The following PRKG1 variants were observed in gnomAD, a reference collection of about 807,000 sequenced individuals.
PRKG1 encodes the protein cGMP-dependent protein kinase 1.
PRKG1 carries 35 observed loss-of-function variants against 88.1 expected under a neutral mutation model. The observed-to-expected ratio is 0.40, with a 90% CI of 0.30 to 0.53. The LOEUF is 0.53. PRKG1 is among the 20% of genes least tolerant of loss of function. PRKG1 has a pLI of 0.59. For synonymous variants in PRKG1, 303 were observed against 292.5 expected (o/e 1.04, Z -0.37); for missense variants, 540 against 839.8 (o/e 0.64, Z 4.41).
At chr10:52,258,215 T>C (rs568301537) in intron 10 of PRKG1, among the ~76,000 whole-genome samples, 1 of 139,054 alleles carries the variant, frequency 7.2e-6, no homozygotes, top group African/African-American at 2.5e-5. Context: ...CTGCATATGA[T>C]TTTAGAATAA....
intron 3 of PRKG1, among the ~76,000 whole-genome samples, chr10:51,741,499 G>T (rs1168418135): frequency 6.6e-6 from 1 of 151,990 alleles, no homozygotes; most frequent in Non-Finnish European, 1.5e-5. Context: ...TTTTCTGGGA[G>T]GCTGTTAGGA....
chr10:51,524,207 T>C (rs1264628296), intron 3 of PRKG1, among the ~76,000 whole-genome samples: 1 of 152,170 alleles, frequency 6.6e-6, no homozygotes, highest in Non-Finnish European at 1.5e-5. Flanking sequence ...TGTGGAACCA[T>C]GAGTCAATTA....
chr10:52,204,096 TATTATTATTA>T (rs1233551034), intron 9 of PRKG1, among the ~76,000 whole-genome samples: 15 of 109,464 alleles, frequency 1.4e-4, no homozygotes, highest in South Asian at 2.7e-4. Flanking sequence ...TTATTATTAT[TATTATTATTA>T]TTTTTTGTTT....
chr10:51,399,948 T>G (rs543250834), intron 2 of PRKG1, among the ~76,000 whole-genome samples: 1 of 152,140 alleles, frequency 6.6e-6, no homozygotes, highest in Non-Finnish European at 1.5e-5. Flanking sequence ...GCTGTAGGAG[T>G]TCTGGCTGCA....
At chr10:51,806,180 G>A (rs1839302440) in intron 4 of PRKG1, among the ~76,000 whole-genome samples, 1 of 152,126 alleles carries the variant, frequency 6.6e-6, no homozygotes, top group Non-Finnish European at 1.5e-5. Context: ...ATTACAACTG[G>A]TAATCAATGA....
chr10:52,215,857 T>C (rs1226237750), intron 9 of PRKG1, among the ~76,000 whole-genome samples: 1 of 152,230 alleles, frequency 6.6e-6, no homozygotes, highest in East Asian at 1.9e-4. Flanking sequence ...TCTAATTGAA[T>C]ATCTTAAGCA....
intron 3 of PRKG1, among the ~76,000 whole-genome samples, chr10:51,660,238 T>C (rs1206675047): frequency 1.3e-5 from 2 of 151,760 alleles, no homozygotes; most frequent in African/African-American, 4.8e-5. Context: ...ATAATCATTA[T>C]CAGAATCATG....
chr10:51,650,064 C>G (rs537010303), intron 3 of PRKG1, among the ~76,000 whole-genome samples: 2 of 152,258 alleles, frequency 1.3e-5, no homozygotes, highest in African/African-American at 4.8e-5. Flanking sequence ...CTCTCAGCCT[C>G]TGGGTTAAGG....
At chr10:51,631,321 A>G (rs532378905) in intron 3 of PRKG1, among the ~76,000 whole-genome samples, 6 of 152,232 alleles carry the variant, frequency 3.9e-5, no homozygotes, top group African/African-American at 1.4e-4. Context: ...CAGTGCAGGG[A>G]AAGAGGCATG....
intron 3 of PRKG1, among the ~76,000 whole-genome samples, chr10:51,773,278 C>T (rs867580254): frequency 3.9e-5 from 6 of 151,952 alleles, no homozygotes; most frequent in East Asian, 1.9e-4. Context: ...ACTGTTTCTT[C>T]GATTTAATAT....
intron 6 of PRKG1, among the ~76,000 whole-genome samples, chr10:52,057,863 T>C (rs1267151900): frequency 1.3e-5 from 2 of 152,108 alleles, no homozygotes; most frequent in Non-Finnish European, 2.9e-5. Context: ...GTATACATTA[T>C]GGTGAAACCT....
chr10:51,774,154 C>T (rs1838376498), intron 3 of PRKG1, among the ~76,000 whole-genome samples: 1 of 151,962 alleles, frequency 6.6e-6, no homozygotes, highest in Non-Finnish European at 1.5e-5. Flanking sequence ...CCATTTACTA[C>T]CTAGAGAGCT....
chr10:52,275,605 CAGTT>C (rs1299205235), intron 12 of PRKG1, among the ~76,000 whole-genome samples: 1 of 152,078 alleles, frequency 6.6e-6, no homozygotes, highest in African/African-American at 2.4e-5. Context: ...GGTTTGAAAT[CAGTT>C]AGTGTGATGT....
chr10:52,054,999 G>C (rs1846076731), intron 6 of PRKG1, among the ~76,000 whole-genome samples: 1 of 152,178 alleles, frequency 6.6e-6, no homozygotes, highest in Non-Finnish European at 1.5e-5. Flanking sequence ...AGCTGGGCAT[G>C]GTGGTGCATG....
At chr10:51,710,268 A>T (rs1841710982) in intron 3 of PRKG1, among the ~76,000 whole-genome samples, 1 of 152,146 alleles carries the variant, frequency 6.6e-6, no homozygotes, top group Admixed American at 6.5e-5. Flanking sequence ...TTCCAAATGC[A>T]TTTTTTGATT....
At chr10:51,649,225 G>A (rs893403498) in intron 3 of PRKG1, among the ~76,000 whole-genome samples, 1 of 151,942 alleles carries the variant, frequency 6.6e-6, no homozygotes, top group Non-Finnish European at 1.5e-5. Flanking sequence ...CCAGTAATTC[G>A]CTTTCATTGT....
intron 5 of PRKG1, among the ~76,000 whole-genome samples, chr10:52,040,265 G>C (rs1845723601): frequency 2.0e-5 from 3 of 152,174 alleles, no homozygotes; most frequent in Non-Finnish European, 4.4e-5. Context: ...TTGAGTACTG[G>C]ATTTATTTTG....
At chr10:51,698,347 A>G in intron 3 of PRKG1, 1 of 1,614,100 alleles carries the variant, frequency 6.2e-7, no homozygotes, top group Non-Finnish European at 8.5e-7. Flanking sequence ...GACCCCTTTG[A>G]TCTATCATGG....
At chr10:51,414,497 G>T (rs1437252682) in intron 2 of PRKG1, among the ~76,000 whole-genome samples, 2 of 152,176 alleles carry the variant, frequency 1.3e-5, no homozygotes, top group African/African-American at 4.8e-5. Flanking sequence ...GGTGTGTAAC[G>T]AGCTATGAAA....
Sources: gnomAD v4.1 joint callset for allele counts (sites outside exome capture counted in the v4.1 genomes callset) on GRCh38, gnomAD v4.1.1 for gene constraint, MANE v1.5 for transcripts, NCBI Gene and HGNC (gene_info 2026-07-23, HGNC 2026-07-21) for gene names.